Variants in ICA1L observed in about 807,000 individuals in gnomAD.
ICA1L encodes islet cell autoantigen 1 like.
ICA1L carries 50 observed loss-of-function variants against 61.3 expected under a neutral mutation model. The ratio of observed to expected loss-of-function variants is 0.82; its 90% CI spans 0.65 to 1.03. The LOEUF (loss-of-function observed/expected upper bound fraction) is 1.03. ICA1L is among the 50% of genes least tolerant of loss of function. The pLI is 0.00. For synonymous variants in ICA1L, 161 were observed against 191.3 expected, an observed-to-expected ratio of 0.84 and a Z score of 1.31; for missense variants, 508 against 556.7, an observed-to-expected ratio of 0.91 and a Z score of 0.88.
chr2:202,840,616 G>A (rs746001224), intron 1 of ICA1L: 1 of 576,316 alleles, frequency 1.7e-6, no homozygotes, highest in South Asian at 1.4e-5. Flanking sequence ...TCCTGTAGAT[G>A]GTGATCTTGA....
chr2:202,861,657 C>T (rs1285204180), intron 1 of ICA1L, among the ~76,000 whole-genome samples: 1 of 151,286 alleles, frequency 6.6e-6, no homozygotes, highest in African/African-American at 2.4e-5. Context: ...GAGGCTGAGG[C>T]GGGCGGATCA....
chr2:202,822,913 TC>T (rs1693737321), intron 3 of ICA1L, among the ~76,000 whole-genome samples: 1 of 152,208 alleles, frequency 6.6e-6, no homozygotes, highest in Non-Finnish European at 1.5e-5. Flanking sequence ...ACTGACCTGA[TC>T]CAGAGCAGAT....
chr2:202,849,071 G>A lies in ICA1L; in HGVS notation c.-7-20055C>T, dbSNP rs1040184155. Among the ~76,000 whole-genome samples, 1 of 152,064 alleles carries A rather than the reference G, an allele frequency of 6.6e-6. No homozygotes were observed. Among genetic ancestry groups the A allele is most frequent in the African/African-American group, 2.4e-5 (1 of 41,404 alleles). ...CCCTCCCCCAGCCAAGGGAAGCCAC[G>A]AGGGACTGTGCTGTCTGGCCCAGAT... On this transcript the variant is annotated intron_variant, in intron 1 of 12. Transcript: ENST00000358299. The surrounding 1 kb of genome is among the most constrained non-coding windows in gnomAD (Gnocchi z 4.5).
rs562230381 is a variant in ICA1L, at chr2:202,777,044, C to CTTTTTTTTTTTTTTTT, written c.*2473_*2488dup. On this transcript the variant is annotated 3_prime_UTR_variant, in exon 13 of 13. Coordinates refer to ENST00000358299, the MANE Select transcript of ICA1L (RefSeq NM_001288622.3). Reference sequence around the variant, plus strand: ...ACAAACTCTCAAGACATAAAGTTAGCTTTTTTTTTTTTTTTTTTTTTTTTT... The same window carrying CTTTTTTTTTTTTTTTT: ...ACAAACTCTCAAGACATAAAGTTAGCTTTTTTTTTTTTTTTTTTTTTTTTTTTTTTTTTTTTTTTTT... The CTTTTTTTTTTTTTTTT allele has an allele frequency of 1.2e-4, 8 of 68,586 alleles. 1 individual carries two copies. Among genetic ancestry groups the CTTTTTTTTTTTTTTTT allele is most frequent in the African/African-American group, 5.2e-4 (8 of 15,268 alleles). The allele number at this position is 68,586 out of a possible 1,614,324, so 4.2% of individuals were successfully genotyped here. A position where few individuals can be genotyped will look rare whatever the true frequency, so the allele number is the denominator to read the frequency against.
At chr2:202,823,428 G>A (rs573781664) in intron 3 of ICA1L, among the ~76,000 whole-genome samples, 1 of 152,246 alleles carries the variant, frequency 6.6e-6, no homozygotes, top group East Asian at 1.9e-4. Flanking sequence ...CTCCACCAGA[G>A]TGCTAAAAGA....
intron 1 of ICA1L, among the ~76,000 whole-genome samples, chr2:202,831,976 T>G (rs1352774234): frequency 6.6e-6 from 1 of 151,970 alleles, no homozygotes; most frequent in Non-Finnish European, 1.5e-5. Context: ...CCAAAATTTG[T>G]GTATAAAGTC....
chr2:202,850,858 C>T (rs981528728), intron 1 of ICA1L, among the ~76,000 whole-genome samples: 19 of 151,678 alleles, frequency 1.3e-4, no homozygotes, highest in African/African-American at 4.1e-4. Context: ...CAAGGTGAAA[C>T]GAAGGAAAAA....
intron 1 of ICA1L, chr2:202,840,684 T>C: frequency 1.7e-6 from 1 of 598,048 alleles, no homozygotes. Context: ...TGCTACGCCA[T>C]GTCCTGCTTG....
chr2:202,832,902 G>C (rs1211889616), intron 1 of ICA1L, among the ~76,000 whole-genome samples: 2 of 152,082 alleles, frequency 1.3e-5, no homozygotes, highest in African/African-American at 4.8e-5. Context: ...GAGGAGGAAG[G>C]AGGAGAACCC....
intron 1 of ICA1L, among the ~76,000 whole-genome samples, chr2:202,833,805 C>A (rs1298590051): frequency 1.3e-5 from 2 of 151,952 alleles, no homozygotes; most frequent in Non-Finnish European, 2.9e-5. Context: ...TCATTTGTGA[C>A]AACATGGATA....
intron 1 of ICA1L, chr2:202,871,342 C>G (rs1022214689): frequency 1.3e-5 from 2 of 152,152 alleles, no homozygotes; most frequent in Non-Finnish European, 2.9e-5. Context: ...GACCCAGCCA[C>G]GCCAGAAACC....
At chr2:202,820,400 C>A (rs1693667806) in intron 4 of ICA1L, among the ~76,000 whole-genome samples, 1 of 151,908 alleles carries the variant, frequency 6.6e-6, no homozygotes, top group Non-Finnish European at 1.5e-5. Context: ...GTGTCTACAC[C>A]TCCTCCCTTG....
At chr2:202,817,596 G>A in intron 5 of ICA1L, 53 bp from the exon 6 acceptor site, 1 of 988,586 alleles carries the variant, frequency 1.0e-6, no homozygotes, top group Non-Finnish European at 1.5e-6. Context: ...AATATAGTAT[G>A]TTATTACAGA....
intron 1 of ICA1L, among the ~76,000 whole-genome samples, chr2:202,854,488 C>T (rs1301252682): frequency 6.6e-6 from 1 of 152,108 alleles, no homozygotes; most frequent in African/African-American, 2.4e-5. Context: ...ATCAATGAGA[C>T]AGAAAATTAA....
At chr2:202,840,814 G>T in intron 1 of ICA1L, 1 of 610,314 alleles carries the variant, frequency 1.6e-6, no homozygotes. Flanking sequence ...GGCCTTTGAG[G>T]CCCTCAATCT....
intron 9 of ICA1L, among the ~76,000 whole-genome samples, chr2:202,810,299 G>T (rs1693338232): frequency 6.6e-6 from 1 of 152,210 alleles, no homozygotes; most frequent in Admixed American, 6.5e-5. Flanking sequence ...AGAGGGACCG[G>T]CTGAAGCCAT....
chr2:202,848,124 G>A (rs1336140782), intron 1 of ICA1L, among the ~76,000 whole-genome samples: 5 of 152,020 alleles, frequency 3.3e-5, no homozygotes, highest in East Asian at 3.9e-4. Flanking sequence ...CACCATGCCC[G>A]GCTAATTTTT....
At chr2:202,864,625 A>ATGTGTGTGTGTGTGTGTGTG (rs1238682382) in intron 1 of ICA1L, among the ~76,000 whole-genome samples, 11 of 135,410 alleles carry the variant, frequency 8.1e-5, no homozygotes, top group Non-Finnish European at 1.9e-4. Flanking sequence ...GTGTATATAT[A>ATGTGTGTGTGTGTGTGTGTG]TATGTGTGTG....
intron 9 of ICA1L, among the ~76,000 whole-genome samples, chr2:202,807,797 G>A (rs1317212327): frequency 6.6e-6 from 1 of 152,058 alleles, no homozygotes; most frequent in African/African-American, 2.4e-5. Flanking sequence ...GTAGGATAGG[G>A]GACAAGGTAG....
Sources: allele counts gnomAD v4.1 joint callset (sites outside exome capture counted in the v4.1 genomes callset), GRCh38; gene constraint gnomAD v4.1.1; non-coding constraint Gnocchi (gnomAD v3.1); transcripts MANE v1.5; gene names NCBI Gene and HGNC (gene_info 2026-07-23, HGNC 2026-07-21).